Variants in DIPK1A observed in about 807,000 individuals in gnomAD.
DIPK1A encodes divergent protein kinase domain 1A.
Under a neutral mutation model 40.8 loss-of-function variants are expected in DIPK1A, and 27 were observed. The observed-to-expected ratio is 0.66, with a 90% CI of 0.49 to 0.91. The LOEUF is 0.91. Among genes scored for constraint, DIPK1A ranks in the 40% least tolerant of loss-of-function variants. DIPK1A has a pLI of 0.00. For missense variants in DIPK1A, 412 were observed against 505.7 expected (o/e 0.81, Z 1.78); for synonymous variants, 166 against 171.3 (o/e 0.97, Z 0.24).
In DIPK1A at chr1:92,876,407, C is replaced by A; in HGVS notation, c.78G>T (p.Met26Ile). The change falls in exon 2 of 5, where the codon ATG becomes ATT. Residue 26 changes from methionine to isoleucine, a missense_variant. By Grantham distance (10) the Met-to-Ile change is conservative. Coordinates refer to ENST00000370310, the MANE Select transcript of DIPK1A (RefSeq NM_001006605.5). ...CTAACCAGGAAAAGAAAAGATATTT[C>A]ATCCGCACATATGAGAAGCGAGCCT... is the stretch of plus-strand genomic sequence containing the variant. ...YLQARFSYVR[M>I]KYLFFSWLVV... The A allele has an allele frequency of 6.2e-7, 1 of 1,613,360 alleles. No homozygotes were observed. Among genetic ancestry groups the A allele is most frequent in the Non-Finnish European group, 8.5e-7 (1 of 1,179,608 alleles).
intron 1 of DIPK1A, chr1:92,932,545 A>T (rs1650793580): frequency 6.6e-6 from 1 of 152,020 alleles, no homozygotes; most frequent in African/African-American, 2.4e-5. Context: ...AAAATGTAAA[A>T]AAGAGAAAGA....
At chr1:92,866,834 C>T (rs1460429257) in intron 2 of DIPK1A, among the ~76,000 whole-genome samples, 2 of 152,152 alleles carry the variant, frequency 1.3e-5, no homozygotes, top group African/African-American at 4.8e-5. Flanking sequence ...GATAGCCTTC[C>T]ATATGGATTT....
intron 1 of DIPK1A, among the ~76,000 whole-genome samples, chr1:92,915,399 T>C (rs890176235): frequency 6.6e-6 from 1 of 152,146 alleles, no homozygotes; most frequent in African/African-American, 2.4e-5. Context: ...ACAGTCTCTC[T>C]CTATAAAATG....
chr1:92,954,047 C>A (rs994987173), intron 1 of DIPK1A, among the ~76,000 whole-genome samples: 13 of 152,042 alleles, frequency 8.6e-5, no homozygotes, highest in African/African-American at 2.2e-4. Flanking sequence ...AAGATAAATT[C>A]ATTTACTAAT....
At chr1:92,941,980 ACT>A (rs1651168229) in intron 1 of DIPK1A, among the ~76,000 whole-genome samples, 1 of 146,508 alleles carries the variant, frequency 6.8e-6, no homozygotes, top group East Asian at 2.0e-4. Flanking sequence ...ACAGAGGGAG[ACT>A]CTGTCTCAAA....
At chr1:92,930,181 T>G (rs1334847902) in intron 1 of DIPK1A, among the ~76,000 whole-genome samples, 1 of 131,792 alleles carries the variant, frequency 7.6e-6, no homozygotes, top group Non-Finnish European at 1.7e-5. Flanking sequence ...TGTTGAATAC[T>G]CTTCCTCAAA....
At chr1:92,928,615 C>G (rs1248917990) in intron 1 of DIPK1A, among the ~76,000 whole-genome samples, 2 of 152,134 alleles carry the variant, frequency 1.3e-5, no homozygotes, top group East Asian at 3.8e-4. Flanking sequence ...TTGTTTTTAT[C>G]TGAAAAATGT....
intron 1 of DIPK1A, among the ~76,000 whole-genome samples, chr1:92,913,607 C>T (rs1176497005): frequency 1.3e-5 from 2 of 152,170 alleles, no homozygotes; most frequent in East Asian, 1.9e-4. Context: ...TTCCTTCTTG[C>T]TCCATGAGCT....
chr1:92,922,926 CT>C (rs772278368), intron 1 of DIPK1A, among the ~76,000 whole-genome samples: 133 of 145,974 alleles, frequency 9.1e-4, no homozygotes, highest in East Asian at 2.6e-3. Context: ...TTTTCATCTC[CT>C]TTTTTTTTTT....
chr1:92,902,912 T>G (rs561299286), intron 1 of DIPK1A, among the ~76,000 whole-genome samples: 1 of 152,312 alleles, frequency 6.6e-6, no homozygotes, highest in African/African-American at 2.4e-5. Context: ...GGGCTTCTAG[T>G]CGGCCATCTT....
chr1:92,883,188 T>C (rs1024391103), intron 1 of DIPK1A, among the ~76,000 whole-genome samples: 2 of 152,156 alleles, frequency 1.3e-5, no homozygotes, highest in African/African-American at 4.8e-5. Context: ...TCTCTAGGGT[T>C]AAAAAAGCAG....
intron 1 of DIPK1A, among the ~76,000 whole-genome samples, chr1:92,887,650 G>A (rs182395371): frequency 6.6e-5 from 10 of 152,290 alleles, no homozygotes; most frequent in Admixed American, 6.5e-4. Context: ...AGAAATAAAT[G>A]CTTATGGTAT....
At chr1:92,846,910 T>TACAC (rs1557450405) in intron 4 of DIPK1A, among the ~76,000 whole-genome samples, 2 of 25,206 alleles carry the variant, frequency 7.9e-5, no homozygotes, top group African/African-American at 3.0e-4. Flanking sequence ...TATATATACG[T>TACAC]GTATATATAT....
chr1:92,874,675 C>T (rs1393961903), intron 2 of DIPK1A, among the ~76,000 whole-genome samples: 3 of 152,172 alleles, frequency 2.0e-5, no homozygotes, highest in Non-Finnish European at 4.4e-5. Flanking sequence ...TCCTTCTTCA[C>T]TGAAGGTTAG....
intron 4 of DIPK1A, chr1:92,836,618 T>G: frequency 1.8e-6 from 1 of 548,972 alleles, no homozygotes; most frequent in Admixed American, 3.1e-5. Flanking sequence ...TTCGGGCCAG[T>G]TATTGAAAGA....
intron 1 of DIPK1A, among the ~76,000 whole-genome samples, chr1:92,896,988 T>C (rs1649199643): frequency 6.6e-6 from 1 of 151,930 alleles, no homozygotes; most frequent in Non-Finnish European, 1.5e-5. Context: ...TGGTGATCAT[T>C]AAAAAGTCAG....
intron 1 of DIPK1A, among the ~76,000 whole-genome samples, chr1:92,937,972 T>G (rs1362737516): frequency 1.3e-5 from 2 of 152,174 alleles, no homozygotes; most frequent in Non-Finnish European, 2.9e-5. Context: ...CTTCACAGAA[T>G]TAGGAACCTA....
intron 1 of DIPK1A, among the ~76,000 whole-genome samples, chr1:92,901,522 C>G (rs569882589): frequency 6.6e-6 from 1 of 152,032 alleles, no homozygotes; most frequent in Admixed American, 6.6e-5. Flanking sequence ...CAGTATAGCA[C>G]TGAACCACTC....
At chr1:92,896,525 A>C (rs1377560483) in intron 1 of DIPK1A, among the ~76,000 whole-genome samples, 7 of 151,872 alleles carry the variant, frequency 4.6e-5, no homozygotes, top group Non-Finnish European at 5.9e-5. Flanking sequence ...TAAAGACTTA[A>C]ATGTTAGACC....
Sources: allele counts gnomAD v4.1 joint callset (sites outside exome capture counted in the v4.1 genomes callset), GRCh38; gene constraint gnomAD v4.1.1; transcripts MANE v1.5; gene names NCBI Gene and HGNC (gene_info 2026-07-23, HGNC 2026-07-21).